The following TMCO4 variants were observed in gnomAD, a reference collection of about 807,000 sequenced individuals.
TMCO4 encodes the protein transmembrane and coiled-coil domains 4.
In TMCO4, 58 loss-of-function variants were observed where a neutral mutation model predicts 64.7. The observed-to-expected ratio is 0.90, with a 90% confidence interval of 0.73 to 1.12. TMCO4 has a LOEUF of 1.12. Among genes scored for constraint, TMCO4 ranks in the 50% most tolerant of loss-of-function variants. The pLI, the probability that TMCO4 is intolerant of heterozygous loss-of-function variation, is 0.00. For synonymous variants in TMCO4, 325 were observed against 346.1 expected (o/e 0.94, Z 0.68); for missense variants, 780 against 825.9 (o/e 0.94, Z 0.68).
At chr1:19,783,737 C>T (rs931368009) in intron 3 of TMCO4, among the ~76,000 whole-genome samples, 1 of 152,214 alleles carries the variant, frequency 6.6e-6, no homozygotes, top group Non-Finnish European at 1.5e-5. Context: ...CCAAACCAGA[C>T]TTTTGACTCC....
At chr1:19,697,608 A>AT (rs143316836) in intron 14 of TMCO4, among the ~76,000 whole-genome samples, 5,406 of 145,384 alleles carry the variant, frequency 0.037, 149 homozygotes, top group Non-Finnish European at 0.059. Flanking sequence ...TAACTTTTGT[A>AT]TTTTTTTTGA....
chr1:19,727,071 T>A (rs373545396), intron 13 of TMCO4, among the ~76,000 whole-genome samples: 1 of 152,160 alleles, frequency 6.6e-6, no homozygotes, highest in Non-Finnish European at 1.5e-5. Flanking sequence ...CAGCCCCGGA[T>A]GGGTTTCTGC....
At chr1:19,788,362 G>A (rs1034644701) in intron 2 of TMCO4, among the ~76,000 whole-genome samples, 1 of 151,880 alleles carries the variant, frequency 6.6e-6, no homozygotes, top group Non-Finnish European at 1.5e-5. Context: ...AATTTGTATC[G>A]CTTTTGAACT....
chr1:19,731,782 C>T (rs2095431120), intron 13 of TMCO4, among the ~76,000 whole-genome samples: 1 of 152,208 alleles, frequency 6.6e-6, no homozygotes, highest in African/African-American at 2.4e-5. Context: ...TGGTCCCCAC[C>T]AGCTTCCTTG....
At chr1:19,687,005 G>A (rs903527042) in intron 15 of TMCO4, among the ~76,000 whole-genome samples, 4 of 151,430 alleles carry the variant, frequency 2.6e-5, no homozygotes, top group African/African-American at 7.3e-5. Context: ...AGGCTGGAGT[G>A]CAATGGCATG....
At chr1:19,758,574 G>T (rs1466191776) in intron 6 of TMCO4, among the ~76,000 whole-genome samples, 1 of 152,218 alleles carries the variant, frequency 6.6e-6, no homozygotes, top group African/African-American at 2.4e-5. Flanking sequence ...TTAGCCTTGT[G>T]TATAGGTCAT....
rs1190711217 is a variant in TMCO4, at chr1:19,734,724, C to T, written c.1264+2648G>A. On this transcript the variant is annotated intron_variant, in intron 13 of 15. Coordinates refer to ENST00000294543, the MANE Select transcript of TMCO4 (RefSeq NM_181719.7). This position sits in a 1 kb window ranked among gnomAD's most constrained non-coding sequence, Gnocchi z 4.4. Reference sequence around the variant, plus strand: ...GAATGCCCTGCCCTAGTCCAGCTGCCGTCTGCCAAATACAGCATAGTGGTT... The same window carrying T: ...GAATGCCCTGCCCTAGTCCAGCTGCTGTCTGCCAAATACAGCATAGTGGTT... 5.9e-5 allele frequency among the ~76,000 whole-genome samples: 9 copies of T among 152,098 alleles called. No homozygotes were observed. Among genetic ancestry groups the T allele is most frequent in the Admixed American group, 3.3e-4 (5 of 15,272 alleles).
chr1:19,740,625 C>A, intron 11 of TMCO4, 152 bp downstream of exon 11: 1 of 837,148 alleles, frequency 1.2e-6, no homozygotes. Context: ...TAAACTTCCC[C>A]CAGACAGGAA....
intron 7 of TMCO4, among the ~76,000 whole-genome samples, chr1:19,749,053 A>G (rs758999192): frequency 6.6e-6 from 1 of 152,176 alleles, no homozygotes; most frequent in Non-Finnish European, 1.5e-5. Flanking sequence ...ATATCATGAT[A>G]CTGGTTTTCC....
chr1:19,769,780 T>C (rs1427505318), intron 6 of TMCO4, among the ~76,000 whole-genome samples: 1 of 139,760 alleles, frequency 7.2e-6, no homozygotes, highest in Non-Finnish European at 1.6e-5. Context: ...AGTGGCTTAA[T>C]GCAGGCATCC....
intron 13 of TMCO4, among the ~76,000 whole-genome samples, chr1:19,733,662 A>G (rs1209114415): frequency 6.6e-6 from 1 of 152,190 alleles, no homozygotes; most frequent in Non-Finnish European, 1.5e-5. Context: ...ACAATTGCCC[A>G]CGTGCTGCTG....
At chr1:19,786,278 A>G (rs566322923) in intron 3 of TMCO4, among the ~76,000 whole-genome samples, 29 of 151,558 alleles carry the variant, frequency 1.9e-4, no homozygotes, top group Non-Finnish European at 4.0e-4. Context: ...AAACCAGAAC[A>G]AACAGAAAAA....
At chr1:19,694,599 A>G (rs1392275583) in intron 14 of TMCO4, 48 bp from the exon 15 acceptor site, 36 of 1,583,992 alleles carry the variant, frequency 2.3e-5, no homozygotes, top group Non-Finnish European at 3.0e-5. Flanking sequence ...AGCCTCGGAC[A>G]GCCCAAGGAC....
intron 6 of TMCO4, among the ~76,000 whole-genome samples, chr1:19,761,434 T>A (rs1459033458): frequency 6.6e-6 from 1 of 152,232 alleles, no homozygotes; most frequent in Admixed American, 6.5e-5. Context: ...AGGCCCAGAC[T>A]TTTGGATCCT....
At chr1:19,762,481 G>A (rs1429825284) in intron 6 of TMCO4, among the ~76,000 whole-genome samples, 3 of 152,198 alleles carry the variant, frequency 2.0e-5, no homozygotes, top group African/African-American at 4.8e-5. Flanking sequence ...GGAGCCAACT[G>A]GTCCCCCTGC....
intron 2 of TMCO4, among the ~76,000 whole-genome samples, chr1:19,795,864 C>T (rs1557639883): frequency 6.6e-6 from 1 of 152,256 alleles, no homozygotes; most frequent in Non-Finnish European, 1.5e-5. Context: ...CACAGGCTCA[C>T]ATCCCACTTC....
chr1:19,799,659 G>A (rs1010693218), intron 1 of TMCO4, among the ~76,000 whole-genome samples, 196 bp downstream of exon 1: 4 of 152,210 alleles, frequency 2.6e-5, no homozygotes, highest in African/African-American at 9.6e-5. Context: ...AGGCGGCCTG[G>A]GCTTAGGGCA....
At chr1:19,780,000 G>A (rs1330605713) in intron 4 of TMCO4, among the ~76,000 whole-genome samples, 1 of 152,190 alleles carries the variant, frequency 6.6e-6, no homozygotes, top group African/African-American at 2.4e-5. Context: ...TAGAGCAGCA[G>A]TCCCCAACCT....
At chr1:19,733,823 C>T (rs552683322) in intron 13 of TMCO4, among the ~76,000 whole-genome samples, 95 of 152,180 alleles carry the variant, frequency 6.2e-4, no homozygotes, top group African/African-American at 1.9e-3. Flanking sequence ...GGGTGAAGAT[C>T]GCACAATCTC....
Sources: gnomAD v4.1 joint callset for allele counts (sites outside exome capture counted in the v4.1 genomes callset) on GRCh38, gnomAD v4.1.1 for gene constraint, Gnocchi (gnomAD v3.1) non-coding constraint, MANE v1.5 for transcripts, NCBI Gene and HGNC (gene_info 2026-07-23, HGNC 2026-07-21) for gene names.